Variants in CCDC146 observed in about 807,000 individuals in gnomAD.
The protein encoded by CCDC146 is coiled-coil domain-containing protein 146.
A neutral mutation model predicts 119.3 loss-of-function variants in CCDC146; 92 were observed. The ratio of observed to expected loss-of-function variants is 0.77; its 90% CI spans 0.65 to 0.92. The LOEUF (loss-of-function observed/expected upper bound fraction) is 0.92. CCDC146 is among the 40% of genes least tolerant of loss of function. CCDC146 has a pLI of 0.00. For synonymous variants in CCDC146, 372 were observed against 371.8 expected, an observed-to-expected ratio of 1.00 and a Z score of -0.01; for missense variants, 1,000 against 1,103.0, an observed-to-expected ratio of 0.91 and a Z score of 1.32.
chr7:77,248,161 A>G lies in CCDC146; in HGVS notation c.449+6261A>G, dbSNP rs1367838176. Among the ~76,000 whole-genome samples the G allele has an allele frequency of 6.6e-5, 10 of 152,350 alleles. No individual in the cohort carries two copies. In the East Asian group the frequency reaches 1.7e-3, roughly 26 times the overall value. On this transcript the variant is annotated intron_variant, in intron 4 of 18. Coordinates refer to ENST00000285871, the MANE Select transcript of CCDC146 (RefSeq NM_020879.3). ...AACTGAAGGCCGTTATCTTAAGTGA[A>G]AAAAACTCACAAACAGAAAGCCAAA...
Position 77,271,978 on chromosome 7 carries a change from G to A in CCDC146, c.1174-1716G>A, listed in dbSNP as rs80312264. Among the ~76,000 whole-genome samples the A allele has an allele frequency of 2.7e-3, 416 of 152,148 alleles. 4 individuals are homozygous for A. The highest frequency in any genetic ancestry group is 9.4e-3 in the African/African-American group (392 of 41,508). ...TTCACGTTTACATCTGCCGACACCC[G>A]GGAGCTGAGCATGAGGACAGCCCAC... On this transcript the variant is annotated intron_variant, in intron 9 of 18. Transcript: ENST00000285871.
At chr7:77,155,498 A>G (rs977390226) in intron 1 of CCDC146, among the ~76,000 whole-genome samples, 1 of 151,910 alleles carries the variant, frequency 6.6e-6, no homozygotes, top group African/African-American at 2.4e-5. Flanking sequence ...CTAAGACCAC[A>G]GAGAGTCTTG....
chr7:77,145,532 C>T (rs1411764818), intron 1 of CCDC146, among the ~76,000 whole-genome samples: 1 of 151,898 alleles, frequency 6.6e-6, no homozygotes. Flanking sequence ...TTAGATCTTT[C>T]CTGCTTTCTC....
At chr7:77,159,564 T>G (rs1409640908) in intron 1 of CCDC146, among the ~76,000 whole-genome samples, 1 of 152,210 alleles carries the variant, frequency 6.6e-6, no homozygotes, top group Non-Finnish European at 1.5e-5. Context: ...TTCCATATCT[T>G]GGCTTTTGTA....
Position 77,236,948 on chromosome 7 carries a change from T to C in CCDC146, c.158T>C (p.Leu53Ser), listed in dbSNP as rs1025471713. ...GTGACCTTATGTTCTCTTTGCTAGT[T>C]ACATGCTATGGGAAAACTTCCTGGA... is the stretch of plus-strand genomic sequence containing the variant. ...ETPAFIFLHE[L>S]HAMGKLPGTR... Residue 53 changes from leucine to serine, a missense_variant and splice_region_variant, in exon 3 of 19, where the codon TTA becomes TCA. Leu to Ser is a moderately radical substitution (Grantham distance 145). Around this residue, in one of 2 missense-constraint regions of CCDC146, gnomAD observed 985 missense variants for 1,045.3 expected, o/e 0.94. Transcript: ENST00000285871. 4.3e-6 allele frequency: 7 copies of C among 1,612,644 alleles called. No homozygotes were observed. The highest frequency in any genetic ancestry group is 2.7e-5 in the African/African-American group (2 of 74,896).
At chr7:77,283,509 A>T (rs1005254385) in intron 15 of CCDC146, among the ~76,000 whole-genome samples, 3 of 152,034 alleles carry the variant, frequency 2.0e-5, no homozygotes, top group Non-Finnish European at 4.4e-5. Context: ...ATTTTTTTTT[A>T]AATGTCAGGT....
intron 1 of CCDC146, among the ~76,000 whole-genome samples, chr7:77,161,674 T>C (rs1259715008): frequency 6.8e-6 from 1 of 147,742 alleles, no homozygotes; most frequent in African/African-American, 2.5e-5. Flanking sequence ...CTTTAGGAGA[T>C]ATACCTAATG....
chr7:77,152,782 G>A (rs560353676), intron 1 of CCDC146, among the ~76,000 whole-genome samples: 49 of 152,260 alleles, frequency 3.2e-4, no homozygotes, highest in Non-Finnish European at 5.1e-4. Context: ...CCGGCTCCAG[G>A]ATGACCTCTC....
At chr7:77,294,605 A>G in intron 18 of CCDC146, 58 bp from the exon 19 acceptor site, 1 of 1,550,202 alleles carries the variant, frequency 6.5e-7, no homozygotes, top group Non-Finnish European at 8.9e-7. Flanking sequence ...GGACCTAAGG[A>G]TAAAGTGACT....
At position 77,278,810 on chromosome 7, in the gene CCDC146, A is replaced by C. The variant is rs1046227589; in HGVS notation, c.1499A>C (p.His500Pro). Residue 500 changes from histidine to proline, a missense_variant, in exon 12 of 19, where the codon CAC becomes CCC. By Grantham distance (77) the His-to-Pro change is moderately conservative. Around this residue, in one of 2 missense-constraint regions of CCDC146, gnomAD observed 985 missense variants for 1,045.3 expected, o/e 0.94. Coordinates refer to ENST00000285871, the MANE Select transcript of CCDC146 (RefSeq NM_020879.3). ...GCAAAGGATCTTGAAATCAGGATAC[A>C]CAAGAAGAAAAAATGTGAAATTTAT... is the stretch of plus-strand genomic sequence containing the variant. Reference protein sequence around the residue: ...MKAKDLEIRIHKKKKCEIYRR... With the variant: ...MKAKDLEIRIPKKKKCEIYRR... The C allele has an allele frequency of 1.9e-6, 3 of 1,612,916 alleles. No homozygotes were observed. Among genetic ancestry groups the C allele is most frequent in the Non-Finnish European group, 2.5e-6 (3 of 1,179,364 alleles).
rs1337348476 is a variant in CCDC146, at chr7:77,196,225, A to C, written c.156+28401A>C. The C allele has an allele frequency of 3.8e-6, 5 of 1,299,112 alleles. No individual in the cohort carries two copies. Among genetic ancestry groups the C allele is most frequent in the Non-Finnish European group, 5.4e-6 (5 of 927,662 alleles). The allele number at this position is 1,299,112 out of a possible 1,614,324, so 80.5% of individuals were successfully genotyped here. A position where few individuals can be genotyped will look rare whatever the true frequency, so the allele number is the denominator to read the frequency against. ...AACAAGGCATATTCTAAAGTGCTGA[A>C]GGAATTAATTGCCCTATTAGATAAC... On this transcript the variant is annotated intron_variant, in intron 2 of 18. Coordinates refer to ENST00000285871, the MANE Select transcript of CCDC146 (RefSeq NM_020879.3). The surrounding 1 kb of genome is among the most constrained non-coding windows in gnomAD (Gnocchi z 4.2).
chr7:77,237,024 G>T lies in CCDC146; in HGVS notation c.234G>T (p.Val78=). The stretch of plus-strand genomic sequence containing the variant: ...AGTATACCTTGCTGCATGACGCCGT[G>T]ATGAGGTATGCAATTTACCAATATG... ...KAKYTLLHDA[V]MSTQESEVQL... Residue 78 remains valine, a synonymous_variant, in exon 3 of 19, where the codon GTG becomes GTT. Coordinates refer to ENST00000285871, the MANE Select transcript of CCDC146 (RefSeq NM_020879.3). 1.9e-6 allele frequency: 3 copies of T among 1,613,132 alleles called. No homozygotes were observed. Among genetic ancestry groups the T allele is most frequent in the Non-Finnish European group, 2.5e-6 (3 of 1,179,080 alleles).
intron 1 of CCDC146, among the ~76,000 whole-genome samples, chr7:77,143,558 T>C (rs543514688): frequency 6.6e-6 from 1 of 152,202 alleles, no homozygotes; most frequent in East Asian, 1.9e-4. Context: ...AGGTCTAACA[T>C]TTAAGACTTT....
At chr7:77,271,535 T>G (rs1381474813) in intron 9 of CCDC146, among the ~76,000 whole-genome samples, 36 of 42,330 alleles carry the variant, frequency 8.5e-4, no homozygotes, top group South Asian at 1.9e-3. Context: ...TATATATATA[T>G]ATATATATAT....
At chr7:77,207,038 G>A (rs755546177) in intron 2 of CCDC146, among the ~76,000 whole-genome samples, 65 of 151,830 alleles carry the variant, frequency 4.3e-4, no homozygotes, top group Non-Finnish European at 5.7e-4. Flanking sequence ...TATAGATGTC[G>A]TCATGTGAAC....
rs1461522125 is a variant in CCDC146 at position 77,286,790 on chromosome 7, C to T, written c.2149-8C>T. 1 of 1,610,158 alleles carries T rather than the reference C, an allele frequency of 6.2e-7. No homozygotes were observed. The highest frequency in any genetic ancestry group is 8.5e-7 in the Non-Finnish European group (1 of 1,178,590). ...TTCATTTTAAAGTTAATGTTTTTTT[C>T]TTAATAGTTTTCACAGTGTACAGAC... is the stretch of plus-strand genomic sequence containing the variant. On this transcript the variant is annotated splice_region_variant and splice_polypyrimidine_tract_variant and intron_variant, in intron 15 of 18. Coordinates refer to ENST00000285871, the MANE Select transcript of CCDC146 (RefSeq NM_020879.3).
chr7:77,238,798 T>C (rs35446630), intron 3 of CCDC146, among the ~76,000 whole-genome samples: 16,056 of 152,176 alleles, frequency 0.11, 1,111 homozygotes, highest in Non-Finnish European at 0.16. Flanking sequence ...CACAACTCAG[T>C]TCCCTGGCCC....
At chr7:77,173,446 T>G (rs1255429965) in intron 2 of CCDC146, among the ~76,000 whole-genome samples, 1 of 151,946 alleles carries the variant, frequency 6.6e-6, no homozygotes, top group East Asian at 1.9e-4. Flanking sequence ...CTGGCCAACA[T>G]GGCGAAACCC....
chr7:77,180,231 A>G (rs536855202), intron 2 of CCDC146, among the ~76,000 whole-genome samples: 23 of 149,384 alleles, frequency 1.5e-4, no homozygotes, highest in Non-Finnish European at 3.2e-4. Context: ...TACCATATAT[A>G]TGCACCCATA....
Sources: gnomAD v4.1 joint callset for allele counts (sites outside exome capture counted in the v4.1 genomes callset) on GRCh38, gnomAD v4.1.1 for gene constraint, gnomAD v4.1.1 regional missense constraint, Gnocchi (gnomAD v3.1) non-coding constraint, MANE v1.5 for transcripts, NCBI Gene and HGNC (gene_info 2026-07-23, HGNC 2026-07-21) for gene names.